The following CDK5RAP2 variants were observed in gnomAD, a reference collection of about 807,000 sequenced individuals.
CDK5RAP2 encodes CDK5 regulatory subunit-associated protein 2.
CDK5RAP2 carries 147 observed loss-of-function variants against 232.9 expected under a neutral mutation model. That is an observed-to-expected ratio of 0.63 (90% CI 0.55 to 0.72). CDK5RAP2 has a LOEUF of 0.72. Among genes scored for constraint, CDK5RAP2 ranks in the 30% least tolerant of loss-of-function variants. The pLI, the probability that CDK5RAP2 is intolerant of heterozygous loss-of-function variation, is 0.00. For synonymous variants in CDK5RAP2, 833 were observed against 833.7 expected (o/e 1.00, Z 0.01); for missense variants, 2,195 against 2,231.5 (o/e 0.98, Z 0.33).
At chr9:120,550,213 A>G (rs1000922399) in intron 4 of CDK5RAP2, among the ~76,000 whole-genome samples, 21 of 152,246 alleles carry the variant, frequency 1.4e-4, no homozygotes, top group African/African-American at 4.6e-4. Context: ...TTCTTCTGAC[A>G]GTTACAGGCA....
In CDK5RAP2 at chr9:120,564,542, G is replaced by A. The variant is rs59259502; in HGVS notation, c.195+3779C>T. ...CAACTATAAAAAGATATATGCACAA[G>A]GAGATTCATCACAGCTTTGTTTATA... is the stretch of plus-strand genomic sequence containing the variant. On this transcript the variant is annotated intron_variant, in intron 3 of 37. Coordinates refer to ENST00000349780, the MANE Select transcript of CDK5RAP2 (RefSeq NM_018249.6). Among the ~76,000 whole-genome samples the A allele has an allele frequency of 3.5e-3, 526 of 150,658 alleles. 2 individuals carry two copies. Among genetic ancestry groups the A allele is most frequent in the African/African-American group, 0.012 (487 of 41,000 alleles).
At chr9:120,542,744 G>A (rs2041689091) in intron 5 of CDK5RAP2, among the ~76,000 whole-genome samples, 1 of 152,080 alleles carries the variant, frequency 6.6e-6, no homozygotes, top group Admixed American at 6.5e-5. Context: ...GTGAAATGAG[G>A]GTATTCCTCA....
intron 3 of CDK5RAP2, among the ~76,000 whole-genome samples, chr9:120,553,405 T>C (rs1343543229): frequency 6.6e-6 from 1 of 152,310 alleles, no homozygotes; most frequent in East Asian, 1.9e-4. Context: ...AATAGCTAAA[T>C]GTTCTCCAAA....
intron 12 of CDK5RAP2, among the ~76,000 whole-genome samples, chr9:120,511,788 A>C (rs1388791801): frequency 7.9e-6 from 1 of 126,580 alleles, no homozygotes; most frequent in African/African-American, 3.1e-5. Context: ...CCCAGGCTGG[A>C]GTGTAGTGGC....
chr9:120,400,260 T>C (rs746856316), intron 35 of CDK5RAP2, among the ~76,000 whole-genome samples: 1 of 152,098 alleles, frequency 6.6e-6, no homozygotes, highest in Non-Finnish European at 1.5e-5. Flanking sequence ...TTAAAACAGA[T>C]TTTGAACAAG....
chr9:120,467,591 T>A (rs1029526893), intron 18 of CDK5RAP2, among the ~76,000 whole-genome samples: 5 of 152,234 alleles, frequency 3.3e-5, no homozygotes, highest in African/African-American at 1.2e-4. Context: ...TATACATACA[T>A]ACATATATAT....
chr9:120,555,434 G>A (rs917583464), intron 3 of CDK5RAP2, among the ~76,000 whole-genome samples: 4 of 152,160 alleles, frequency 2.6e-5, no homozygotes, highest in African/African-American at 9.7e-5. Context: ...CACCCTGCCT[G>A]GCCCGGCAGA....
At chr9:120,529,084 G>T (rs573498607) in intron 8 of CDK5RAP2, among the ~76,000 whole-genome samples, 1 of 152,354 alleles carries the variant, frequency 6.6e-6, no homozygotes, top group Non-Finnish European at 1.5e-5. Context: ...CCGTGTGGCG[G>T]AAGTGGGCAA....
Position 120,408,417 on chromosome 9 carries a change from C to T in CDK5RAP2, c.4656G>A (p.Lys1552=). Residue 1552 remains lysine, a synonymous_variant, in exon 31 of 38, where the codon AAG becomes AAA. Coordinates refer to ENST00000349780, the MANE Select transcript of CDK5RAP2 (RefSeq NM_018249.6). ...LRQQLLSQND[K]LLQSLRVELK... ...GCTCCACTCGGAGAGACTGCAATAG[C>T]TTGTCATTCTGTGAGAGCAGCTGCT... 6.2e-7 allele frequency: 1 copy of T among 1,614,210 alleles called. No individual in the cohort carries two copies. Among genetic ancestry groups the T allele is most frequent in the South Asian group, 1.1e-5 (1 of 91,090 alleles).
intron 28 of CDK5RAP2, among the ~76,000 whole-genome samples, chr9:120,412,947 C>T (rs2033942269): frequency 6.6e-6 from 1 of 152,232 alleles, no homozygotes; most frequent in Admixed American, 6.5e-5. Flanking sequence ...TTCAGAGACA[C>T]CTGGGTTTGA....
chr9:120,518,470 T>G lies in CDK5RAP2; in HGVS notation c.1268A>C (p.Glu423Ala). The G allele has an allele frequency of 6.2e-7, 1 of 1,613,868 alleles. No individual in the cohort carries two copies. ...TTTGCTCTTCTCTCGATGGGCTTCC[T>G]CCAGGTCCTTCTCCAGTCTCTCCCT... ...QERERLEKDL[E>A]EAHREKSKGD... Residue 423 changes from glutamate (E) to alanine (A), a missense_variant, in exon 12 of 38, where the codon GAG (glutamate) becomes GCG (alanine). Physicochemically the swap from Glu to Ala is moderately radical, Grantham distance 107. Coordinates refer to ENST00000349780, the MANE Select transcript of CDK5RAP2 (RefSeq NM_018249.6).
At chr9:120,396,149 C>T (rs1034699665) in intron 35 of CDK5RAP2, among the ~76,000 whole-genome samples, 7 of 152,128 alleles carry the variant, frequency 4.6e-5, no homozygotes, top group African/African-American at 1.4e-4. Context: ...TTTTTGATTC[C>T]CTGACTTAAC....
At chr9:120,419,282 C>T (rs1312892457) in intron 27 of CDK5RAP2, among the ~76,000 whole-genome samples, 3 of 152,180 alleles carry the variant, frequency 2.0e-5, no homozygotes, top group Non-Finnish European at 4.4e-5. Context: ...TCTGTTACAA[C>T]AATCCAAATA....
At chr9:120,497,525 T>G (rs1240897611) in intron 12 of CDK5RAP2, among the ~76,000 whole-genome samples, 1 of 141,798 alleles carries the variant, frequency 7.1e-6, no homozygotes, top group Non-Finnish European at 1.5e-5. Flanking sequence ...TCTCAAAAGA[T>G]CTCCCCACAA....
At chr9:120,451,518 A>G (rs2036479336) in intron 21 of CDK5RAP2, among the ~76,000 whole-genome samples, 1 of 152,194 alleles carries the variant, frequency 6.6e-6, no homozygotes, top group Non-Finnish European at 1.5e-5. Flanking sequence ...TTAACAGGAT[A>G]TCAGAGTATC....
At chr9:120,569,140 C>T (rs1336179776) in intron 2 of CDK5RAP2, among the ~76,000 whole-genome samples, 1 of 152,202 alleles carries the variant, frequency 6.6e-6, no homozygotes, top group Non-Finnish European at 1.5e-5. Flanking sequence ...GAGATCTAAA[C>T]TAACTGTTAT....
intron 12 of CDK5RAP2, among the ~76,000 whole-genome samples, chr9:120,508,246 G>C (rs1419501809): frequency 6.6e-6 from 1 of 152,124 alleles, no homozygotes; most frequent in African/African-American, 2.4e-5. Context: ...AGAATTTCCA[G>C]AATTAGTAGG....
At chr9:120,420,139 T>G (rs2034480447) in intron 26 of CDK5RAP2, among the ~76,000 whole-genome samples, 179 bp from the exon 27 acceptor site, 1 of 152,186 alleles carries the variant, frequency 6.6e-6, no homozygotes, top group African/African-American at 2.4e-5. Context: ...CAAGAAAGGC[T>G]CAGTGCGCTT....
chr9:120,449,977 C>T (rs2036398256), intron 21 of CDK5RAP2, among the ~76,000 whole-genome samples: 1 of 152,118 alleles, frequency 6.6e-6, no homozygotes, highest in Non-Finnish European at 1.5e-5. Context: ...AAAGATTAAA[C>T]ATAGAGTTAC....
Sources: allele counts gnomAD v4.1 joint callset (sites outside exome capture counted in the v4.1 genomes callset), GRCh38; gene constraint gnomAD v4.1.1; transcripts MANE v1.5; gene names NCBI Gene and HGNC (gene_info 2026-07-23, HGNC 2026-07-21).